The following ZFPM2 variants were observed in gnomAD, a reference collection of about 807,000 sequenced individuals.
The protein encoded by ZFPM2 is zinc finger protein, FOG family member 2.
A neutral mutation model predicts 98.6 loss-of-function variants in ZFPM2; 20 were observed. The observed-to-expected ratio is 0.20, with a 90% confidence interval of 0.14 to 0.29. The LOEUF is 0.29. Ranked by LOEUF, ZFPM2 falls within the 10% of genes least tolerant of loss-of-function variation. The pLI, the probability that ZFPM2 is intolerant of heterozygous loss-of-function variation, is 1.00. For synonymous variants in ZFPM2, 518 were observed against 502.7 expected, an observed-to-expected ratio of 1.03 and a Z score of -0.41; for missense variants, 1,310 against 1,388.6, an observed-to-expected ratio of 0.94 and a Z score of 0.90.
chr8:105,697,621 A>T (rs1811050120), intron 5 of ZFPM2, among the ~76,000 whole-genome samples: 1 of 152,152 alleles, frequency 6.6e-6, no homozygotes, highest in African/African-American at 2.4e-5. Flanking sequence ...CTCTGGTATA[A>T]CTGTATTTCC....
chr8:105,554,806 A>G (rs1814947861), intron 3 of ZFPM2, among the ~76,000 whole-genome samples: 1 of 152,148 alleles, frequency 6.6e-6, no homozygotes, highest in Non-Finnish European at 1.5e-5. Flanking sequence ...CAGGTGAAGC[A>G]TGATTGCTGG....
intron 2 of ZFPM2, among the ~76,000 whole-genome samples, chr8:105,431,404 A>C (rs188623302): frequency 6.6e-6 from 1 of 152,342 alleles, no homozygotes; most frequent in African/African-American, 2.4e-5. Flanking sequence ...TGCATTCAAC[A>C]TTCATGCGTT....
At chr8:105,547,542 C>CAAAAAAAAAAAAAAA (rs148322534) in intron 3 of ZFPM2, among the ~76,000 whole-genome samples, 1 of 47,188 alleles carries the variant, frequency 2.1e-5, no homozygotes, top group Non-Finnish European at 3.7e-5. Context: ...AACTCCATCT[C>CAAAAAAAAAAAAAAA]AAAAAAAAAA....
chr8:105,441,393 G>A (rs1812234761), intron 2 of ZFPM2, among the ~76,000 whole-genome samples: 1 of 145,006 alleles, frequency 6.9e-6, no homozygotes, highest in Non-Finnish European at 1.5e-5. Flanking sequence ...ACAGGCAAAA[G>A]GAGTGAAAAC....
intron 1 of ZFPM2, among the ~76,000 whole-genome samples, chr8:105,407,681 G>A (rs1811489914): frequency 6.6e-6 from 1 of 151,930 alleles, no homozygotes; most frequent in Non-Finnish European, 1.5e-5. Flanking sequence ...TATTGGTTGA[G>A]TAGCTGCTGA....
At chr8:105,472,380 G>A (rs1165019477) in intron 3 of ZFPM2, among the ~76,000 whole-genome samples, 1 of 152,164 alleles carries the variant, frequency 6.6e-6, no homozygotes, top group Admixed American at 6.5e-5. Flanking sequence ...CATCACAGAA[G>A]GCATGTTATT....
chr8:105,515,183 T>G (rs1813894045), intron 3 of ZFPM2, among the ~76,000 whole-genome samples: 1 of 152,188 alleles, frequency 6.6e-6, no homozygotes, highest in Non-Finnish European at 1.5e-5. Flanking sequence ...CAAATATAAT[T>G]AACCATGTAT....
At chr8:105,436,766 T>C (rs1049727783) in intron 2 of ZFPM2, among the ~76,000 whole-genome samples, 1 of 152,140 alleles carries the variant, frequency 6.6e-6, no homozygotes, top group African/African-American at 2.4e-5. Context: ...TTTATTTTTC[T>C]GAACTATAGG....
At position 105,388,172 on chromosome 8, in the gene ZFPM2, C is replaced by A. The variant is rs535198469; in HGVS notation, c.41-30972C>A. 1.4e-3 allele frequency among the ~76,000 whole-genome samples: 206 copies of A among 152,208 alleles called. 1 individual carries two copies. The highest frequency in any genetic ancestry group is 4.7e-3 in the African/African-American group (195 of 41,512). ...CAGACATATAACTGAATATTGCATG[C>A]CAAAATATGCAAACACATGTGCATA... is the stretch of plus-strand genomic sequence containing the variant. On this transcript the variant is annotated intron_variant, in intron 1 of 7. Coordinates refer to ENST00000407775, the MANE Select transcript of ZFPM2 (RefSeq NM_012082.4).
At chr8:105,739,587 A>G (rs1812166160) in intron 5 of ZFPM2, among the ~76,000 whole-genome samples, 1 of 151,880 alleles carries the variant, frequency 6.6e-6, no homozygotes, top group Non-Finnish European at 1.5e-5. Flanking sequence ...TCATAGGAAT[A>G]TTCAGTTTGG....
At chr8:105,695,959 G>T (rs1811008317) in intron 5 of ZFPM2, among the ~76,000 whole-genome samples, 1 of 152,172 alleles carries the variant, frequency 6.6e-6, no homozygotes, top group Non-Finnish European at 1.5e-5. Context: ...CAGAATCTTT[G>T]TCTTACTTTT....
chr8:105,799,983 A>G (rs1813952473), intron 7 of ZFPM2, among the ~76,000 whole-genome samples: 1 of 152,192 alleles, frequency 6.6e-6, no homozygotes, highest in Non-Finnish European at 1.5e-5. Flanking sequence ...CAAATGAGCT[A>G]TCTTCATATA....
chr8:105,757,322 G>T (rs537523881), intron 5 of ZFPM2, among the ~76,000 whole-genome samples: 1 of 152,204 alleles, frequency 6.6e-6, no homozygotes, highest in Admixed American at 6.5e-5. Context: ...AAATGCATAT[G>T]CTTTGCTTTA....
chr8:105,564,844 C>G (rs1815211479), intron 4 of ZFPM2, among the ~76,000 whole-genome samples: 1 of 152,102 alleles, frequency 6.6e-6, no homozygotes, highest in African/African-American at 2.4e-5. Context: ...AATTAGACTA[C>G]TTGAGCAGTT....
rs74886511 is a variant in ZFPM2, at chr8:105,670,680, A to G, written c.532+36323A>G. ...CATCTTTTAAAAATAGCTTCATTGC[A>G]TATGTATATATTTCTAAAATACATA... On this transcript the variant is annotated intron_variant, in intron 5 of 7. Coordinates refer to ENST00000407775, the MANE Select transcript of ZFPM2 (RefSeq NM_012082.4). Among the ~76,000 whole-genome samples, 15 of 152,258 alleles carry G rather than the reference A, an allele frequency of 9.9e-5. No individual in the cohort carries two copies. In the East Asian group the frequency reaches 2.7e-3, roughly 27 times the overall value.
intron 1 of ZFPM2, chr8:105,418,722 A>G (rs927713276): frequency 2.0e-6 from 1 of 490,026 alleles, no homozygotes; most frequent in Non-Finnish European, 4.0e-6. Flanking sequence ...ATTAAAATGC[A>G]TTCAATTACT....
intron 3 of ZFPM2, among the ~76,000 whole-genome samples, chr8:105,479,389 G>A (rs1451413406): frequency 1.3e-5 from 2 of 152,020 alleles, no homozygotes; most frequent in Non-Finnish European, 2.9e-5. Flanking sequence ...ACATACTTGA[G>A]GGCAGATAAC....
chr8:105,728,386 T>C (rs1811861700), intron 5 of ZFPM2, among the ~76,000 whole-genome samples: 1 of 151,814 alleles, frequency 6.6e-6, no homozygotes, highest in Admixed American at 6.6e-5. Context: ...AAGTTAGCTC[T>C]AGCACTATTC....
At chr8:105,346,935 C>G (rs1812548689) in intron 1 of ZFPM2, among the ~76,000 whole-genome samples, 1 of 152,102 alleles carries the variant, frequency 6.6e-6, no homozygotes, top group Non-Finnish European at 1.5e-5. Context: ...AATCATGGGT[C>G]CAATTCTCAC....
Sources: gnomAD v4.1 joint callset for allele counts (sites outside exome capture counted in the v4.1 genomes callset) on GRCh38, gnomAD v4.1.1 for gene constraint, MANE v1.5 for transcripts, NCBI Gene and HGNC (gene_info 2026-07-23, HGNC 2026-07-21) for gene names.